The following CAST variants were observed in gnomAD, a reference collection of about 807,000 sequenced individuals.
The protein encoded by CAST is calpastatin.
Under a neutral mutation model 119.6 loss-of-function variants are expected in CAST, and 76 were observed. The observed-to-expected ratio is 0.64, with a 90% CI of 0.53 to 0.77. CAST has a LOEUF of 0.77. Among genes scored for constraint, CAST ranks in the 30% least tolerant of loss-of-function variants. The pLI is 0.00. For missense variants in CAST, 953 were observed against 946.5 expected, an observed-to-expected ratio of 1.01 and a Z score of -0.09; for synonymous variants, 319 against 331.6, an observed-to-expected ratio of 0.96 and a Z score of 0.41.
chr5:96,355,092 C>T, the CAST span, among the ~76,000 whole-genome samples: 2 of 151,934 alleles, frequency 1.3e-5, no homozygotes, highest in Non-Finnish European at 2.9e-5. Context: ...ATAAATGTGC[C>T]ATGGTGGTTT....
At chr5:96,464,588 T>C in the CAST span, among the ~76,000 whole-genome samples, 1 of 152,032 alleles carries the variant, frequency 6.6e-6, no homozygotes, top group Non-Finnish European at 1.5e-5. Flanking sequence ...TTTGAGCCAT[T>C]TGCAGCCCAA....
chr5:96,101,414 ATATTAC>A, the CAST span, among the ~76,000 whole-genome samples: 1 of 152,210 alleles, frequency 6.6e-6, no homozygotes, highest in Non-Finnish European at 1.5e-5. Flanking sequence ...CTCACTGTAA[ATATTAC>A]TGGCTTCCCA....
the CAST span, chr5:96,431,999 C>T: frequency 0.063 from 59,353 of 939,460 alleles, 2,110 homozygotes; most frequent in Middle Eastern, 0.12. Context: ...GACGCCCACC[C>T]ACCTCCAACC....
chr5:96,748,758 T>C, intron 19 of CAST, 145 bp downstream of exon 19: 1 of 562,554 alleles, frequency 1.8e-6, no homozygotes, highest in Non-Finnish European at 3.2e-6. Flanking sequence ...TCTTCCTTTT[T>C]GGATGTGCTT....
the CAST span, among the ~76,000 whole-genome samples, chr5:96,245,419 A>G: frequency 6.6e-6 from 1 of 152,200 alleles, no homozygotes; most frequent in Non-Finnish European, 1.5e-5. Context: ...AACACTCATA[A>G]CAGGGATCTC....
At chr5:96,073,253 C>T in the CAST span, among the ~76,000 whole-genome samples, 8 of 152,074 alleles carry the variant, frequency 5.3e-5, no homozygotes, top group South Asian at 2.1e-4. Flanking sequence ...AATCAGTAGC[C>T]GTGGTGGCAT....
the CAST span, among the ~76,000 whole-genome samples, chr5:96,191,809 G>A: frequency 2.0e-5 from 3 of 152,144 alleles, no homozygotes; most frequent in African/African-American, 7.2e-5. Flanking sequence ...ACCTCAGGAT[G>A]TGCCCACCTC....
chr5:96,338,849 A>G, the CAST span, among the ~76,000 whole-genome samples: 1 of 152,206 alleles, frequency 6.6e-6, no homozygotes, highest in South Asian at 2.1e-4. Flanking sequence ...GACTTTGGCA[A>G]GGCTACTTCT....
the CAST span, among the ~76,000 whole-genome samples, chr5:96,236,431 A>G: frequency 6.6e-6 from 1 of 152,112 alleles, no homozygotes; most frequent in Non-Finnish European, 1.5e-5. Flanking sequence ...AAGGCTCACT[A>G]CTTAAATTTG....
the CAST span, among the ~76,000 whole-genome samples, chr5:96,026,252 G>C: frequency 6.6e-6 from 1 of 152,078 alleles, no homozygotes; most frequent in African/African-American, 2.4e-5. Flanking sequence ...GTGGCTGAAA[G>C]TGTAGATTAA....
At chr5:96,760,035 T>C (rs570812314) in intron 24 of CAST, among the ~76,000 whole-genome samples, 7 of 152,208 alleles carry the variant, frequency 4.6e-5, no homozygotes, top group African/African-American at 1.7e-4. Flanking sequence ...ACTGTCCTTC[T>C]ACTGAAGGTT....
At chr5:96,541,484 T>C (rs1319910030) in intron 1 of CAST, among the ~76,000 whole-genome samples, 2 of 152,188 alleles carry the variant, frequency 1.3e-5, no homozygotes, top group Non-Finnish European at 2.9e-5. Flanking sequence ...TGTTTTTAAT[T>C]TGCATACATG....
the CAST span, among the ~76,000 whole-genome samples, chr5:96,047,946 A>C: frequency 6.6e-6 from 1 of 152,202 alleles, no homozygotes; most frequent in African/African-American, 2.4e-5. Context: ...CATGAAAAAG[A>C]GGGAACAACA....
the CAST span, among the ~76,000 whole-genome samples, chr5:96,377,716 T>C: frequency 1.3e-5 from 2 of 152,202 alleles, no homozygotes; most frequent in African/African-American, 4.8e-5. Context: ...CATGACTGTA[T>C]ATATGTGCAA....
At chr5:96,160,788 A>G in the CAST span, among the ~76,000 whole-genome samples, 2 of 152,182 alleles carry the variant, frequency 1.3e-5, no homozygotes, top group Non-Finnish European at 2.9e-5. Flanking sequence ...TGTCTTTCTT[A>G]TAATATTCAC....
chr5:96,619,897 T>C (rs564852270), intron 1 of CAST, among the ~76,000 whole-genome samples: 1 of 152,224 alleles, frequency 6.6e-6, no homozygotes, highest in Non-Finnish European at 1.5e-5. Flanking sequence ...TGACTTGAAT[T>C]GGGTTCTGTA....
chr5:96,653,887 T>C (rs1748123641), intron 1 of CAST, among the ~76,000 whole-genome samples: 1 of 152,264 alleles, frequency 6.6e-6, no homozygotes, highest in South Asian at 2.1e-4. Context: ...TATTTGTTGT[T>C]TCCCCTTAAA....
chr5:96,528,454 G>C (rs552187731), upstream of CAST, among the ~76,000 whole-genome samples: 5 of 152,116 alleles, frequency 3.3e-5, no homozygotes, highest in Non-Finnish European at 7.3e-5. Flanking sequence ...CCTAGGACCA[G>C]AAGAAGGCCT....
the CAST span, among the ~76,000 whole-genome samples, chr5:96,264,988 C>T: frequency 2.0e-4 from 30 of 152,232 alleles, no homozygotes; most frequent in Admixed American, 7.8e-4. Context: ...ATAAACATTC[C>T]GGTCCATGTA....
Sources: gnomAD v4.1 joint callset for allele counts (sites outside exome capture counted in the v4.1 genomes callset) on GRCh38, gnomAD v4.1.1 for gene constraint, MANE v1.5 for transcripts, NCBI Gene and HGNC (gene_info 2026-07-23, HGNC 2026-07-21) for gene names.